Variants in KDM5B observed in about 807,000 individuals in gnomAD.
KDM5B encodes the protein lysine demethylase 5B, also known as lysine-specific demethylase 5B.
KDM5B carries 144 observed loss-of-function variants against 193.4 expected under a neutral mutation model. The ratio of observed to expected loss-of-function variants is 0.74; its 90% CI spans 0.65 to 0.86. The LOEUF (loss-of-function observed/expected upper bound fraction) is 0.86. Among genes scored for constraint, KDM5B ranks in the 40% least tolerant of loss-of-function variants. The pLI, the probability that KDM5B is intolerant of heterozygous loss-of-function variation, is 0.00. For missense variants in KDM5B, 1,833 were observed against 1,886.9 expected, an observed-to-expected ratio of 0.97 and a Z score of 0.53; for synonymous variants, 668 against 682.6, an observed-to-expected ratio of 0.98 and a Z score of 0.33.
At chr1:202,806,616 C>T (rs1331791031) in intron 1 of KDM5B, 1 of 152,142 alleles carries the variant, frequency 6.6e-6, no homozygotes, top group East Asian at 1.9e-4. Context: ...TTCAAACTTG[C>T]TTAAGAAAAA....
Position 202,756,452 on chromosome 1 carries a change from A to ACAT in KDM5B, c.1259_1261dup (p.Asp420dup). The ACAT allele has an allele frequency of 6.2e-7, 1 of 1,613,428 alleles. No homozygotes were observed. Among genetic ancestry groups the ACAT allele is most frequent in the Non-Finnish European group, 8.5e-7 (1 of 1,179,492 alleles). On this transcript the variant is annotated inframe_insertion, in exon 10 of 27. Coordinates refer to ENST00000367265, the MANE Select transcript of KDM5B (RefSeq NM_006618.5). ...AATGTCAGCTCCATATTCCACTGTG[A>ACAT]CATCCTCCTCAATAGTGCTTACTAG...
intron 14 of KDM5B, 55 bp from the exon 15 acceptor site, chr1:202,746,378 C>T (rs1655561497): frequency 8.2e-7 from 1 of 1,217,650 alleles, no homozygotes; most frequent in Non-Finnish European, 1.1e-6. Flanking sequence ...ATCCACCAGC[C>T]CAAGACAAAC....
chr1:202,745,737 T>C, intron 16 of KDM5B, 121 bp downstream of exon 16: 1 of 1,117,878 alleles, frequency 8.9e-7, no homozygotes, highest in Non-Finnish European at 1.3e-6. Context: ...CCGGGCTATG[T>C]AGAGGGGCTA....
chr1:202,774,267 C>T (rs1406214232), intron 3 of KDM5B, among the ~76,000 whole-genome samples: 1 of 152,106 alleles, frequency 6.6e-6, no homozygotes, highest in Non-Finnish European at 1.5e-5. Context: ...TTTTTTGAGA[C>T]AGGGTCTCGC....
At chr1:202,749,179 T>C (rs555738946) in intron 13 of KDM5B, 40 bp from the exon 14 acceptor site, 2 of 1,550,874 alleles carry the variant, frequency 1.3e-6, no homozygotes, top group Non-Finnish European at 1.8e-6. Context: ...ACATTCATCT[T>C]TCTTCTATTT....
Position 202,733,686 on chromosome 1 carries a change from A to C in KDM5B, c.3624T>G (p.Ser1208Arg). 6.2e-7 allele frequency: 1 copy of C among 1,614,102 alleles called. No homozygotes were observed. ...GCCAGATTCGCAGGCCCTGTGAAAT[A>C]CTGGGTACCGCCACACAACTGGTGT... ...AFHTSCVAVPSISQGLRIWLC... is the reference protein window; with the variant it reads ...AFHTSCVAVPRISQGLRIWLC... Residue 1208 changes from serine to arginine, a missense_variant, in exon 23 of 27, where the codon AGT (serine) becomes AGG (arginine). By Grantham distance (110) the Ser-to-Arg change is moderately radical. Coordinates refer to ENST00000367265, the MANE Select transcript of KDM5B (RefSeq NM_006618.5).
intron 3 of KDM5B, 83 bp downstream of exon 3, chr1:202,774,530 A>G: frequency 7.5e-7 from 1 of 1,339,672 alleles, no homozygotes; most frequent in Non-Finnish European, 1.1e-6. Flanking sequence ...GCTGAGCAAT[A>G]AGTTCCTTTT....
Position 202,746,221 on chromosome 1 carries a change from A to T in KDM5B, c.2119T>A (p.Ser707Thr), listed in dbSNP as rs929702356. The T allele has an allele frequency of 6.2e-7, 1 of 1,613,778 alleles. No individual in the cohort carries two copies. Among genetic ancestry groups the T allele is most frequent in the Admixed American group, 1.7e-5 (1 of 59,984 alleles). Residue 707 changes from serine to threonine, a missense_variant, in exon 15 of 27, where the codon TCT (serine) becomes ACT (threonine). Ser to Thr is a moderately conservative substitution (Grantham distance 58). Coordinates refer to ENST00000367265, the MANE Select transcript of KDM5B (RefSeq NM_006618.5). ...CAAACAAGAAGGCCAGGTTTACAAG[A>T]ACAGGAGATGGCAGACATGAAGCAT... ...TTCFMSAISC[S>T]CKPGLLVCLH...
intron 13 of KDM5B, among the ~76,000 whole-genome samples, chr1:202,749,853 G>A (rs927644459): frequency 6.6e-6 from 1 of 152,142 alleles, no homozygotes; most frequent in African/African-American, 2.4e-5. Flanking sequence ...GATATAGCAA[G>A]TGCCATTATA....
At chr1:202,789,958 C>G (rs997044616) in intron 1 of KDM5B, among the ~76,000 whole-genome samples, 3 of 152,142 alleles carry the variant, frequency 2.0e-5, no homozygotes, top group African/African-American at 7.2e-5. Context: ...TGCAGTGGCT[C>G]ACGCCTGTAA....
chr1:202,782,665 T>C (rs1212528801), intron 1 of KDM5B, among the ~76,000 whole-genome samples: 3 of 152,184 alleles, frequency 2.0e-5, no homozygotes, highest in Non-Finnish European at 4.4e-5. Flanking sequence ...ATGTTTAACT[T>C]GATGCTTAAG....
chr1:202,755,873 T>C (rs1406111911), intron 10 of KDM5B, among the ~76,000 whole-genome samples: 1 of 151,974 alleles, frequency 6.6e-6, no homozygotes, highest in African/African-American at 2.4e-5. Flanking sequence ...TTGTTTTAGT[T>C]AGTGCTGGTT....
chr1:202,746,557 A>T (rs2102243524), intron 14 of KDM5B: 1 of 418,824 alleles, frequency 2.4e-6, no homozygotes, highest in East Asian at 3.6e-5. Context: ...ATGTTTGGTC[A>T]TTTTGATCTG....
chr1:202,742,828 T>A, intron 16 of KDM5B, 23 bp from the exon 17 acceptor site: 5 of 1,604,906 alleles, frequency 3.1e-6, no homozygotes, highest in Non-Finnish European at 4.3e-6. Context: ...AAAAAAGTCA[T>A]ATTTTCTGTA....
At chr1:202,772,969 T>C in intron 4 of KDM5B, 149 bp downstream of exon 4, 1 of 584,874 alleles carries the variant, frequency 1.7e-6, no homozygotes, top group Non-Finnish European at 3.0e-6. Flanking sequence ...AGTGTTGGGA[T>C]TACAGGAGTG....
chr1:202,773,642 A>C (rs573596710), intron 3 of KDM5B, among the ~76,000 whole-genome samples: 2 of 152,320 alleles, frequency 1.3e-5, no homozygotes, highest in African/African-American at 4.8e-5. Flanking sequence ...ATAAGCCTCC[A>C]AAAACTAAAG....
In KDM5B at chr1:202,736,272, A is replaced by C. The variant is rs61039068; in HGVS notation, c.3205T>G (p.Trp1069Gly). The change falls in exon 21 of 27, where the codon TGG (tryptophan) becomes GGG (glycine). Residue 1069 changes from tryptophan (W) to glycine (G), a missense_variant. Trp to Gly is a radical substitution (Grantham distance 184). Around this residue, in one of 3 missense-constraint regions of KDM5B, gnomAD observed 1,379 missense variants for 1,349.6 expected, o/e 1.02. Coordinates refer to ENST00000367265, the MANE Select transcript of KDM5B (RefSeq NM_006618.5). ...AATGTATTAACAGCACATTCTTTCC[A>C]AGCCTGAACCTCAGCTACTAGGGTT... ...LETLVAEVQA[W>G]KECAVNTFLT... The C allele has an allele frequency of 6.2e-7, 1 of 1,611,714 alleles. No individual in the cohort carries two copies. Among genetic ancestry groups the C allele is most frequent in the Non-Finnish European group, 8.5e-7 (1 of 1,178,982 alleles).
chr1:202,781,960 T>C (rs1284180754), intron 1 of KDM5B, among the ~76,000 whole-genome samples: 1 of 152,162 alleles, frequency 6.6e-6, no homozygotes, highest in Non-Finnish European at 1.5e-5. Flanking sequence ...AAAGCCTGTA[T>C]ATTAAAGTTT....
intron 1 of KDM5B, among the ~76,000 whole-genome samples, chr1:202,791,572 G>C (rs1230754526): frequency 6.6e-6 from 1 of 152,004 alleles, no homozygotes; most frequent in African/African-American, 2.4e-5. Flanking sequence ...TCTAATCCAA[G>C]TGAAGCAAAG....
Sources: allele counts gnomAD v4.1 joint callset (sites outside exome capture counted in the v4.1 genomes callset), GRCh38; gene constraint gnomAD v4.1.1; regional missense constraint gnomAD v4.1.1; transcripts MANE v1.5; gene names NCBI Gene and HGNC (gene_info 2026-07-23, HGNC 2026-07-21).